The following FYB1 variants were observed in gnomAD, a reference collection of about 807,000 sequenced individuals.
FYB1 encodes FYN-binding protein 1.
Under a neutral mutation model 94.1 loss-of-function variants are expected in FYB1, and 41 were observed. The observed-to-expected ratio is 0.44, with a 90% CI of 0.34 to 0.57. The LOEUF (loss-of-function observed/expected upper bound fraction) is 0.57, where lower values mean the gene tolerates loss of function less well. Ranked by LOEUF, FYB1 falls within the 20% of genes least tolerant of loss-of-function variation. The probability of loss-of-function intolerance (pLI) is 0.02; values close to 1 mark genes in which losing one functional copy is unlikely to be tolerated. For synonymous variants in FYB1, 367 were observed against 353.2 expected (o/e 1.04, Z -0.44); for missense variants, 1,050 against 976.8 (o/e 1.07, Z -1.00).
rs1741752244 is a variant in FYB1 at position 39,137,306 on chromosome 5, TATGGGGAGAGACAAG to T, written c.1515+279_1515+293del. ...ATAAGTAGGCTAATATGAAATGCAT[TATGGGGAGAGACAAG>T]ATGGGTTTGAAAAGGTAAATATTCA... is the stretch of plus-strand genomic sequence containing the variant. On this transcript the variant is annotated intron_variant, in intron 7 of 18. Coordinates refer to ENST00000512982, the MANE Select transcript of FYB1 (RefSeq NM_001465.6). 7.6e-6 allele frequency: 2 copies of T among 264,844 alleles called. 1 individual carries two copies. The highest frequency in any genetic ancestry group is 8.5e-5 in the South Asian group (2 of 23,484). 16.4% of individuals were successfully genotyped at this position (264,844 alleles called of 1,614,324 possible).
chr5:39,247,893 T>TGTTTG (rs1751555071), intron 1 of FYB1, among the ~76,000 whole-genome samples: 3 of 151,722 alleles, frequency 2.0e-5, no homozygotes, highest in African/African-American at 7.2e-5. Context: ...TTCTTGTTTT[T>TGTTTG]GTTTTGTTTT....
intron 1 of FYB1, among the ~76,000 whole-genome samples, chr5:39,233,513 C>T (rs1016706268): frequency 1.3e-5 from 2 of 152,046 alleles, no homozygotes; most frequent in East Asian, 3.9e-4. Flanking sequence ...CTTTTGTTAA[C>T]GTTGGTAATA....
chr5:39,136,381 T>A (rs922972614), intron 7 of FYB1, among the ~76,000 whole-genome samples: 16 of 152,100 alleles, frequency 1.1e-4, no homozygotes, highest in African/African-American at 3.4e-4. Flanking sequence ...CGATATAGAT[T>A]TTCATAAATT....
At chr5:39,248,297 G>A (rs1751572263) in intron 1 of FYB1, among the ~76,000 whole-genome samples, 1 of 152,136 alleles carries the variant, frequency 6.6e-6, no homozygotes, top group Non-Finnish European at 1.5e-5. Context: ...CTGGTTGGTG[G>A]AGACAGATAA....
At chr5:39,243,573 G>A (rs945231051) in intron 1 of FYB1, among the ~76,000 whole-genome samples, 13 of 152,066 alleles carry the variant, frequency 8.5e-5, no homozygotes, top group South Asian at 2.1e-4. Flanking sequence ...GTCAGGTGGC[G>A]TGATGCCTCC....
intron 2 of FYB1, among the ~76,000 whole-genome samples, chr5:39,156,622 G>A (rs1460240394): frequency 1.3e-5 from 2 of 152,192 alleles, no homozygotes; most frequent in African/African-American, 4.8e-5. Context: ...ATGTGGCAGT[G>A]AAACACTTTG....
At chr5:39,118,565 A>G (rs914020507) in intron 16 of FYB1, among the ~76,000 whole-genome samples, 18 of 152,294 alleles carry the variant, frequency 1.2e-4, no homozygotes, top group African/African-American at 4.3e-4. Context: ...GGGAACTGCG[A>G]TTTTAATACA....
intron 2 of FYB1, chr5:39,169,816 G>GT (rs1380105783): frequency 1.9e-6 from 1 of 515,038 alleles, no homozygotes; most frequent in African/African-American, 2.0e-5. Flanking sequence ...TTCTTCAGTG[G>GT]TTTTGATGGT....
rs75924847 is a variant in FYB1 at position 39,226,605 on chromosome 5, A to C, written c.-27-23618T>G. Among the ~76,000 whole-genome samples, 991 of 152,300 alleles carry C rather than the reference A, an allele frequency of 6.5e-3. 15 individuals carry two copies. Among genetic ancestry groups the C allele is most frequent in the African/African-American group, 0.023 (939 of 41,546 alleles). On this transcript the variant is annotated intron_variant, in intron 1 of 1. Coordinates refer to the FYB1 transcript ENST00000510188. ...TCAAAGTCTCCTCTGACCCTTTCAG[A>C]GTATGTATTGCATCGTATGATAGCA...
chr5:39,228,593 T>C (rs1054813950), intron 1 of FYB1, among the ~76,000 whole-genome samples: 2 of 152,238 alleles, frequency 1.3e-5, no homozygotes, highest in African/African-American at 4.8e-5. Context: ...CCTCCAGTTT[T>C]CTTGACTACT....
intron 14 of FYB1, among the ~76,000 whole-genome samples, chr5:39,120,051 A>G (rs28470382): frequency 0.024 from 3,626 of 152,248 alleles, 126 homozygotes; most frequent in African/African-American, 0.073. Flanking sequence ...AAAAACAATC[A>G]ATTTTTATGG....
chr5:39,130,325 G>A (rs1741079161), intron 10 of FYB1, among the ~76,000 whole-genome samples: 1 of 151,892 alleles, frequency 6.6e-6, no homozygotes, highest in Non-Finnish European at 1.5e-5. Flanking sequence ...TTAGATAGAA[G>A]GAATAAGTTC....
At chr5:39,247,381 T>G (rs909156001) in intron 1 of FYB1, among the ~76,000 whole-genome samples, 1 of 151,972 alleles carries the variant, frequency 6.6e-6, no homozygotes, top group Non-Finnish European at 1.5e-5. Context: ...CCTACATAAT[T>G]TGACACATGA....
chr5:39,108,199 T>C, intron 18 of FYB1, 32 bp downstream of exon 18: 1 of 1,495,726 alleles, frequency 6.7e-7, no homozygotes, highest in African/African-American at 1.4e-5. Flanking sequence ...TCACTATGAC[T>C]GTTCTCTAGG....
At chr5:39,115,896 A>C (rs1250554671) in intron 16 of FYB1, among the ~76,000 whole-genome samples, 1 of 152,210 alleles carries the variant, frequency 6.6e-6, no homozygotes, top group East Asian at 1.9e-4. Context: ...TTGCAAATCC[A>C]ACTGACAGTA....
intron 1 of FYB1, among the ~76,000 whole-genome samples, chr5:39,232,942 C>T (rs927710471): frequency 6.6e-6 from 1 of 151,968 alleles, no homozygotes; most frequent in Non-Finnish European, 1.5e-5. Flanking sequence ...GTATATGTGC[C>T]ACATTTTCTT....
chr5:39,217,484 A>G (rs1749956622), intron 1 of FYB1, among the ~76,000 whole-genome samples: 1 of 152,178 alleles, frequency 6.6e-6, no homozygotes, highest in African/African-American at 2.4e-5. Context: ...AACAGTCACA[A>G]CAAGAACAGA....
chr5:39,123,846 T>C lies in FYB1; in HGVS notation c.2071+407A>G, dbSNP rs146567540. 1.3e-3 allele frequency among the ~76,000 whole-genome samples: 199 copies of C among 152,294 alleles called. 2 individuals carry two copies. In the South Asian group the frequency reaches 0.015, roughly 11 times the overall value. On this transcript the variant is annotated intron_variant, in intron 13 of 18. Coordinates refer to ENST00000512982, the MANE Select transcript of FYB1 (RefSeq NM_001465.6). ...AACATTTTCCAAATACAATATAAAC[T>C]ATCCATTTAAATATTCAAAGAAATT...
At chr5:39,241,854 C>A in intron 1 of FYB1, among the ~76,000 whole-genome samples, 1 of 150,724 alleles carries the variant, frequency 6.6e-6, no homozygotes, top group East Asian at 1.9e-4. Context: ...TCCTGGAGGG[C>A]ATCTTTTTAA....
Sources: allele counts gnomAD v4.1 joint callset (sites outside exome capture counted in the v4.1 genomes callset), GRCh38; gene constraint gnomAD v4.1.1; transcripts MANE v1.5; gene names NCBI Gene and HGNC (gene_info 2026-07-23, HGNC 2026-07-21).